ADORA2B: variants seen among roughly 807,000 people sequenced by gnomAD.
ADORA2B encodes the protein adenosine A2b receptor, also known as adenosine receptor A2b.
ADORA2B carries 18 observed loss-of-function variants against 20.8 expected under a neutral mutation model. The ratio of observed to expected loss-of-function variants is 0.87; its 90% CI spans 0.60 to 1.29. ADORA2B has a LOEUF of 1.29. Among genes scored for constraint, ADORA2B ranks in the 50% most tolerant of loss-of-function variants. The pLI, the probability that ADORA2B is intolerant of heterozygous loss-of-function variation, is 0.00. For missense variants in ADORA2B, 441 were observed against 422.7 expected, an observed-to-expected ratio of 1.04 and a Z score of -0.38; for synonymous variants, 179 against 178.3, an observed-to-expected ratio of 1.00 and a Z score of -0.03.
At chr17:15,873,028 G>A in the ADORA2B span, among the ~76,000 whole-genome samples, 1 of 152,124 alleles carries the variant, frequency 6.6e-6, no homozygotes, top group Non-Finnish European at 1.5e-5. Flanking sequence ...GTATTACGCT[G>A]GTTGTGGGTT....
chr17:15,975,496 T>C lies in ADORA2B; in HGVS notation c.*154T>C, dbSNP rs1597433747. The C allele has an allele frequency of 1.3e-5, 9 of 693,830 alleles. No homozygotes were observed. In the East Asian group the frequency reaches 2.1e-4, roughly 16 times the overall value. 43.0% of individuals were successfully genotyped at this position (693,830 alleles called of 1,614,324 possible). A position where few individuals can be genotyped will look rare whatever the true frequency, so the allele number is the denominator to read the frequency against. ...GGAGCTACCACGTATCTAGCTAATA[T>C]GTATGTGTCAGTAGTAGGCTCCAAG... On this transcript the variant is annotated 3_prime_UTR_variant, in exon 2 of 2. Transcript: ENST00000304222.
upstream of ADORA2B, among the ~76,000 whole-genome samples, chr17:15,942,173 A>G (rs1438600880): frequency 6.6e-6 from 1 of 152,074 alleles, no homozygotes; most frequent in African/African-American, 2.4e-5. Flanking sequence ...TGTAATCCCC[A>G]GTGTTGGAGG....
At chr17:15,879,473 T>A in the ADORA2B span, among the ~76,000 whole-genome samples, 3 of 148,664 alleles carry the variant, frequency 2.0e-5, no homozygotes, top group African/African-American at 7.8e-5. Flanking sequence ...AAAAAAAAAG[T>A]AATATTTATT....
At chr17:15,953,735 G>A (rs1969934305) in intron 1 of ADORA2B, among the ~76,000 whole-genome samples, 1 of 152,172 alleles carries the variant, frequency 6.6e-6, no homozygotes, top group African/African-American at 2.4e-5. Flanking sequence ...TCTGTGAGCC[G>A]CGCTGTTACT....
chr17:15,862,196 C>T, the ADORA2B span, among the ~76,000 whole-genome samples: 19 of 123,448 alleles, frequency 1.5e-4, no homozygotes, highest in African/African-American at 2.2e-4. Flanking sequence ...TTTTCTTTTT[C>T]TTTTCTTTTC....
At chr17:15,894,153 C>T in the ADORA2B span, among the ~76,000 whole-genome samples, 2 of 152,192 alleles carry the variant, frequency 1.3e-5, no homozygotes, top group Non-Finnish European at 2.9e-5. Flanking sequence ...GGACTGGGCA[C>T]CATAATAAGA....
At chr17:15,854,351 T>C in the ADORA2B span, among the ~76,000 whole-genome samples, 1 of 152,194 alleles carries the variant, frequency 6.6e-6, no homozygotes, top group Admixed American at 6.5e-5. Flanking sequence ...ATTTACCACA[T>C]TAACAAAGGT....
At chr17:15,966,680 A>G (rs747749367) in intron 1 of ADORA2B, among the ~76,000 whole-genome samples, 3 of 152,244 alleles carry the variant, frequency 2.0e-5, no homozygotes, top group Non-Finnish European at 2.9e-5. Flanking sequence ...GAATGGATGG[A>G]TCAGAGCACA....
the ADORA2B span, among the ~76,000 whole-genome samples, chr17:15,884,062 T>C: frequency 6.6e-6 from 1 of 152,330 alleles, no homozygotes; most frequent in Non-Finnish European, 1.5e-5. Flanking sequence ...AGTCACACTC[T>C]AGTAAGGGTC....
chr17:15,863,355 A>AT, the ADORA2B span, among the ~76,000 whole-genome samples: 1 of 151,128 alleles, frequency 6.6e-6, no homozygotes, highest in African/African-American at 2.4e-5. Flanking sequence ...ATTTTTTTTT[A>AT]TTTTTTAGAG....
chr17:15,888,815 CATATATATATATAT>C, the ADORA2B span, among the ~76,000 whole-genome samples: 31 of 15,732 alleles, frequency 2.0e-3, 2 homozygotes, highest in East Asian at 0.029. Flanking sequence ...TATGTGATGC[CATATATATATATAT>C]ATATATATAT....
At chr17:15,944,925 TGTTA>T (rs1969778340), upstream of ADORA2B, 1 of 197,276 alleles carries the variant, frequency 5.1e-6, no homozygotes, top group African/African-American at 2.3e-5. The surrounding 1 kb of genome is among the most constrained non-coding windows in gnomAD (Gnocchi z 4.8). Flanking sequence ...TGGGGCAATT[TGTTA>T]GTTATCCGCC....
chr17:15,953,754 G>A (rs4791657), intron 1 of ADORA2B, among the ~76,000 whole-genome samples: 9,382 of 152,146 alleles, frequency 0.062, 983 homozygotes, highest in African/African-American at 0.21. Context: ...CTGTGAGCGC[G>A]CTGCCTCTCA....
chr17:15,974,642 A>G lies in ADORA2B; in HGVS notation c.336-37A>G, dbSNP rs775076171. The G allele has an allele frequency of 1.1e-5, 18 of 1,582,692 alleles. 1 individual carries two copies. The South Asian group carries it at 1.7e-4, about 15-fold the overall frequency. On this transcript the variant is annotated intron_variant, in intron 1 of 1. Transcript: ENST00000304222. The stretch of plus-strand genomic sequence containing the variant: ...TCTTGGATTGTGGTTGCAGAGCGCT[A>G]TAAACTGACCGTAACAGATGGTATT...
chr17:15,924,749 AAAGTT>A, the ADORA2B span, among the ~76,000 whole-genome samples: 23,952 of 112,048 alleles, frequency 0.21, 5,720 homozygotes, highest in African/African-American at 0.56. Flanking sequence ...CAAAAAAAAA[AAAGTT>A]AAGTAGTATT....
chr17:15,937,871 C>A, the ADORA2B span, among the ~76,000 whole-genome samples: 1 of 152,138 alleles, frequency 6.6e-6, no homozygotes, highest in African/African-American at 2.4e-5. Context: ...CCATGCCTGG[C>A]CTGAATAAGA....
the ADORA2B span, among the ~76,000 whole-genome samples, chr17:15,861,899 G>T: frequency 6.6e-6 from 1 of 152,120 alleles, no homozygotes; most frequent in Non-Finnish European, 1.5e-5. Context: ...TCTGTCCTCT[G>T]CACTCCTCAT....
the ADORA2B span, among the ~76,000 whole-genome samples, chr17:15,864,409 G>T: frequency 6.6e-6 from 1 of 151,994 alleles, no homozygotes. Flanking sequence ...CCGATCATGG[G>T]TTCTTAGGCT....
the ADORA2B span, among the ~76,000 whole-genome samples, chr17:15,921,091 C>T: frequency 1.3e-5 from 2 of 152,204 alleles, no homozygotes; most frequent in Non-Finnish European, 2.9e-5. Context: ...GTGGGGCACC[C>T]GTGTGAGTTT....
Sources: allele counts gnomAD v4.1 joint callset (sites outside exome capture counted in the v4.1 genomes callset), GRCh38; gene constraint gnomAD v4.1.1; non-coding constraint Gnocchi (gnomAD v3.1); transcripts MANE v1.5; gene names NCBI Gene and HGNC (gene_info 2026-07-23, HGNC 2026-07-21).